EPB41L4A: variants seen among roughly 807,000 people sequenced by gnomAD.
The protein encoded by EPB41L4A is band 4.1-like protein 4A.
A neutral mutation model predicts 108.6 loss-of-function variants in EPB41L4A; 100 were observed. That is an observed-to-expected ratio of 0.92 (90% CI 0.78 to 1.09). EPB41L4A has a LOEUF of 1.09. EPB41L4A is among the 50% of genes least tolerant of loss of function. The pLI, the probability that EPB41L4A is intolerant of heterozygous loss-of-function variation, is 0.00. For missense variants in EPB41L4A, 1,030 were observed against 842.7 expected (o/e 1.22, Z -2.75); for synonymous variants, 319 against 289.0 (o/e 1.10, Z -1.05).
At position 112,390,012 on chromosome 5, in the gene EPB41L4A, T is replaced by G. The variant is rs561665644; in HGVS notation, c.99+28929A>C. ...AAACTAAGCTCTAGTAAATAAATTC[T>G]GCATGTCTCAATGCCTACACAATAT... On this transcript the variant is annotated intron_variant, in intron 1 of 22. Transcript: ENST00000261486. Among the ~76,000 whole-genome samples, 8 of 152,312 alleles carry G rather than the reference T, an allele frequency of 5.3e-5. No individual in the cohort carries two copies. The East Asian group carries it at 1.5e-3, about 29-fold the overall frequency.
intron 12 of EPB41L4A, among the ~76,000 whole-genome samples, chr5:112,230,013 G>C (rs900198735): frequency 6.6e-6 from 1 of 150,952 alleles, no homozygotes; most frequent in Non-Finnish European, 1.5e-5. Flanking sequence ...AAGAATAATG[G>C]TCTCCAACCT....
intron 12 of EPB41L4A, among the ~76,000 whole-genome samples, chr5:112,215,400 T>TAAC (rs2150323052): frequency 6.6e-6 from 1 of 152,336 alleles, no homozygotes; most frequent in South Asian, 2.1e-4. Flanking sequence ...AAAATAATAA[T>TAAC]AACTCTAGTG....
intron 1 of EPB41L4A, among the ~76,000 whole-genome samples, chr5:112,397,553 A>G (rs1167069923): frequency 6.6e-6 from 1 of 151,552 alleles, no homozygotes; most frequent in African/African-American, 2.4e-5. Context: ...AGTAATTCTG[A>G]AAAAAAATTT....
intron 1 of EPB41L4A, among the ~76,000 whole-genome samples, chr5:112,307,973 C>G (rs1754803479): frequency 6.6e-6 from 1 of 152,074 alleles, no homozygotes; most frequent in Admixed American, 6.6e-5. Flanking sequence ...ATAATAAACC[C>G]ATAGATTAAA....
chr5:112,356,158 G>A (rs535688323), intron 1 of EPB41L4A, among the ~76,000 whole-genome samples: 8 of 152,152 alleles, frequency 5.3e-5, no homozygotes, highest in African/African-American at 1.9e-4. Context: ...CCACATTGTG[G>A]GTAGAAGTCC....
chr5:112,270,043 A>C (rs998961770), intron 4 of EPB41L4A, among the ~76,000 whole-genome samples: 5 of 152,196 alleles, frequency 3.3e-5, no homozygotes, highest in African/African-American at 9.7e-5. Context: ...ATTGACACCA[A>C]GGATGTACAA....
At chr5:112,166,416 C>G (rs1172600223) in intron 22 of EPB41L4A, among the ~76,000 whole-genome samples, 1 of 152,198 alleles carries the variant, frequency 6.6e-6, no homozygotes, top group Non-Finnish European at 1.5e-5. Context: ...CCTTTCCCCT[C>G]AAGCTCACTG....
rs147709235 is a variant in EPB41L4A, at chr5:112,408,852, A to C, written c.99+10089T>G. 3.5e-3 allele frequency among the ~76,000 whole-genome samples: 540 copies of C among 152,230 alleles called. 3 individuals are homozygous for C. The highest frequency in any genetic ancestry group is 6.8e-3 in the Middle Eastern group (2 of 294). On this transcript the variant is annotated intron_variant, in intron 1 of 22. Coordinates refer to ENST00000261486, the MANE Select transcript of EPB41L4A (RefSeq NM_022140.5). Reference sequence around the variant, plus strand: ...AGATTTATAACAAGCGCTGGTGAGAATGTGGAGAAATTAGAACCCTTATAC... The same window carrying C: ...AGATTTATAACAAGCGCTGGTGAGACTGTGGAGAAATTAGAACCCTTATAC...
intron 17 of EPB41L4A, among the ~76,000 whole-genome samples, chr5:112,190,977 G>A (rs541666834): frequency 1.3e-5 from 2 of 152,240 alleles, no homozygotes; most frequent in Admixed American, 6.5e-5. Context: ...GCAAGAGAAT[G>A]GAGAGGGAGA....
chr5:112,178,967 T>A (rs1481666246), intron 18 of EPB41L4A, among the ~76,000 whole-genome samples: 3 of 148,894 alleles, frequency 2.0e-5, no homozygotes, highest in Non-Finnish European at 3.0e-5. Context: ...CTGAAAAAAA[T>A]AAATTAAAAA....
intron 9 of EPB41L4A, among the ~76,000 whole-genome samples, chr5:112,248,002 A>T (rs1466347538): frequency 6.6e-6 from 1 of 152,206 alleles, no homozygotes. Flanking sequence ...CAAATATATT[A>T]AAGGATCAAA....
intron 1 of EPB41L4A, among the ~76,000 whole-genome samples, chr5:112,343,556 C>T (rs917178685): frequency 3.3e-5 from 5 of 152,092 alleles, no homozygotes; most frequent in Admixed American, 3.3e-4. Context: ...GCCATCACCA[C>T]GACCACGTTC....
chr5:112,377,568 C>A (rs933143756), intron 1 of EPB41L4A, among the ~76,000 whole-genome samples: 1 of 152,100 alleles, frequency 6.6e-6, no homozygotes, highest in Non-Finnish European at 1.5e-5. Context: ...ATTCATGAGG[C>A]CCAGCAACTC....
At chr5:112,306,059 G>C (rs62364144) in intron 2 of EPB41L4A, among the ~76,000 whole-genome samples, 9,627 of 152,226 alleles carry the variant, frequency 0.063, 374 homozygotes, top group Middle Eastern at 0.095. Flanking sequence ...GGGGAAGATA[G>C]AGACCGACAA....
intron 12 of EPB41L4A, among the ~76,000 whole-genome samples, chr5:112,223,081 G>C (rs750298276): frequency 1.3e-5 from 2 of 151,830 alleles, no homozygotes; most frequent in East Asian, 3.9e-4. Context: ...TAGGACTACA[G>C]GTACACACCA....
intron 1 of EPB41L4A, among the ~76,000 whole-genome samples, chr5:112,328,980 G>A (rs1181381667): frequency 1.3e-5 from 2 of 152,176 alleles, no homozygotes; most frequent in African/African-American, 4.8e-5. Context: ...GTGAAATAGT[G>A]GCAAATGCAC....
chr5:112,206,173 T>A (rs1762463818), intron 13 of EPB41L4A: 1 of 152,064 alleles, frequency 6.6e-6, no homozygotes, highest in Non-Finnish European at 1.5e-5. Context: ...CAGGCACCAG[T>A]GGGGAGGGGT....
At position 112,163,681 on chromosome 5, in the gene EPB41L4A, T is replaced by C. The variant is rs1218287339; in HGVS notation, c.*1309A>G. 2 of 152,174 alleles carry C rather than the reference T, an allele frequency of 1.3e-5. No individual in the cohort carries two copies. The highest frequency in any genetic ancestry group is 2.4e-5 in the African/African-American group (1 of 41,436). The allele number at this position is 152,174 out of a possible 1,614,324, so 9.4% of individuals were successfully genotyped here. On this transcript the variant is annotated 3_prime_UTR_variant, in exon 23 of 23. Transcript: ENST00000261486. ...TAGGGATTAGATGAATTGAGGGCAATGACTAAAGATACTGCTTGCAAGAAA... is the reference window on the plus strand; with the variant it reads ...TAGGGATTAGATGAATTGAGGGCAACGACTAAAGATACTGCTTGCAAGAAA...
chr5:112,407,202 T>C (rs1762124311), intron 1 of EPB41L4A, among the ~76,000 whole-genome samples: 1 of 152,190 alleles, frequency 6.6e-6, no homozygotes, highest in African/African-American at 2.4e-5. Flanking sequence ...AAGGGAGCAG[T>C]AGCCCACACA....
Sources: gnomAD v4.1 joint callset for allele counts (sites outside exome capture counted in the v4.1 genomes callset) on GRCh38, gnomAD v4.1.1 for gene constraint, MANE v1.5 for transcripts, NCBI Gene and HGNC (gene_info 2026-07-23, HGNC 2026-07-21) for gene names.